Variants in SCFD2 observed in about 807,000 individuals in gnomAD.
SCFD2 encodes sec1 family domain containing 2, also known as sec1 family domain-containing protein 2.
A neutral mutation model predicts 58.9 loss-of-function variants in SCFD2; 54 were observed. The observed-to-expected ratio is 0.92, with a 90% CI of 0.74 to 1.15. SCFD2 has a LOEUF of 1.15. SCFD2 is among the 50% of genes most tolerant of loss of function. The pLI, the probability that SCFD2 is intolerant of heterozygous loss-of-function variation, is 0.00. For synonymous variants in SCFD2, 321 were observed against 335.9 expected (o/e 0.96, Z 0.49); for missense variants, 805 against 836.6 (o/e 0.96, Z 0.47).
At chr4:53,363,549 A>T (rs1168859867) in intron 1 of SCFD2, among the ~76,000 whole-genome samples, 1 of 152,024 alleles carries the variant, frequency 6.6e-6, no homozygotes, top group Admixed American at 6.5e-5. Context: ...CTGTATGTTT[A>T]AAAAAAGGGC....
chr4:53,222,814 CTATCTGGT>C (rs2148996630), intron 4 of SCFD2, among the ~76,000 whole-genome samples: 1 of 152,294 alleles, frequency 6.6e-6, no homozygotes, highest in Non-Finnish European at 1.5e-5. Flanking sequence ...GTATTGTGTC[CTATCTGGT>C]TACTGTTATC....
At chr4:53,021,080 A>C (rs993835021) in intron 5 of SCFD2, among the ~76,000 whole-genome samples, 1 of 152,200 alleles carries the variant, frequency 6.6e-6, no homozygotes, top group Non-Finnish European at 1.5e-5. Context: ...CTAAGCATGT[A>C]CATCTTTTAG....
chr4:53,217,840 G>C (rs1249959862), intron 4 of SCFD2, among the ~76,000 whole-genome samples: 1 of 152,092 alleles, frequency 6.6e-6, no homozygotes, highest in African/African-American at 2.4e-5. Context: ...CAGGCCTGGT[G>C]GTGACAAAAT....
At chr4:52,935,307 A>C (rs1044067080) in intron 5 of SCFD2, among the ~76,000 whole-genome samples, 3 of 152,190 alleles carry the variant, frequency 2.0e-5, no homozygotes, top group Admixed American at 6.5e-5. Context: ...TTTGATTTTT[A>C]AATAAGCATA....
At chr4:53,212,302 C>T (rs1728638858) in intron 4 of SCFD2, among the ~76,000 whole-genome samples, 1 of 151,904 alleles carries the variant, frequency 6.6e-6, no homozygotes, top group East Asian at 1.9e-4. Flanking sequence ...CAAAACAACA[C>T]CAAATGTGGA....
At chr4:53,242,746 A>G (rs570852843) in intron 4 of SCFD2, among the ~76,000 whole-genome samples, 2 of 152,348 alleles carry the variant, frequency 1.3e-5, no homozygotes, top group South Asian at 4.1e-4. Flanking sequence ...AAAATGATAC[A>G]GGAGCTGACA....
chr4:52,979,823 A>G (rs2109564860), intron 5 of SCFD2, among the ~76,000 whole-genome samples: 1 of 152,188 alleles, frequency 6.6e-6, no homozygotes, highest in East Asian at 1.9e-4. Flanking sequence ...TCCCCTCTGC[A>G]CACCTACCCA....
At chr4:52,926,308 CTT>C (rs1369029323) in intron 5 of SCFD2, among the ~76,000 whole-genome samples, 1 of 152,026 alleles carries the variant, frequency 6.6e-6, no homozygotes, top group Non-Finnish European at 1.5e-5. Flanking sequence ...AATAAAACAT[CTT>C]TCATCAGAAG....
At chr4:53,089,927 C>T (rs1344218691) in intron 5 of SCFD2, among the ~76,000 whole-genome samples, 2 of 152,120 alleles carry the variant, frequency 1.3e-5, no homozygotes, top group Admixed American at 6.6e-5. Flanking sequence ...ACATACTCAA[C>T]CATTAAAAGG....
intron 4 of SCFD2, among the ~76,000 whole-genome samples, chr4:53,254,850 ATTTTATTTTATTTATTTTAT>A (rs1730544288): frequency 9.5e-6 from 1 of 105,648 alleles, no homozygotes; most frequent in Non-Finnish European, 2.0e-5. Context: ...ATTTTATTTT[ATTTTATTTTATTTATTTTAT>A]TTTATTTTAT....
chr4:53,355,823 C>G (rs1734383533), intron 1 of SCFD2, among the ~76,000 whole-genome samples: 1 of 152,200 alleles, frequency 6.6e-6, no homozygotes, highest in African/African-American at 2.4e-5. Flanking sequence ...TTGCACTTGC[C>G]ATTCCCTGGA....
intron 2 of SCFD2, among the ~76,000 whole-genome samples, chr4:53,341,890 T>C (rs969516079): frequency 8.5e-5 from 13 of 152,288 alleles, no homozygotes; most frequent in Admixed American, 5.9e-4. Context: ...TAAAATCCTT[T>C]GCACACAAGC....
chr4:53,018,154 C>T (rs1214131218), intron 5 of SCFD2, among the ~76,000 whole-genome samples: 3 of 152,138 alleles, frequency 2.0e-5, no homozygotes, highest in Non-Finnish European at 2.9e-5. Context: ...GTTTCAACCC[C>T]AGGGCTCATG....
intron 4 of SCFD2, among the ~76,000 whole-genome samples, chr4:53,231,923 T>C (rs777862387): frequency 2.0e-5 from 3 of 152,122 alleles, no homozygotes; most frequent in Non-Finnish European, 2.9e-5. Context: ...CACCTTGATG[T>C]ACTCTACATG....
chr4:53,065,227 T>C (rs565614085), intron 5 of SCFD2, among the ~76,000 whole-genome samples: 1 of 152,224 alleles, frequency 6.6e-6, no homozygotes, highest in South Asian at 2.1e-4. Context: ...TTATGGCAGT[T>C]AGCACAATAA....
At chr4:53,050,055 G>C (rs894354892) in intron 5 of SCFD2, among the ~76,000 whole-genome samples, 1 of 152,158 alleles carries the variant, frequency 6.6e-6, no homozygotes, top group African/African-American at 2.4e-5. Flanking sequence ...GTGTACATGA[G>C]TCCGCAAACA....
intron 3 of SCFD2, among the ~76,000 whole-genome samples, chr4:53,306,606 A>G (rs1262630303): frequency 6.6e-6 from 1 of 152,186 alleles, no homozygotes; most frequent in Non-Finnish European, 1.5e-5. Flanking sequence ...CATTCAAACT[A>G]CAAGCACTAA....
rs10002496 is a variant in SCFD2 at position 52,873,031 on chromosome 4, C to T, written c.*938G>A. ...CAACATGGATGCCAGAAACTTCCAT[C>T]GACCATACACCTACAAACATGTGGG... is the stretch of plus-strand genomic sequence containing the variant. On this transcript the variant is annotated 3_prime_UTR_variant, in exon 9 of 9. Transcript: ENST00000401642. 2 of 152,210 alleles carry T rather than the reference C, an allele frequency of 1.3e-5. No homozygotes were observed. The highest frequency in any genetic ancestry group is 6.5e-5 in the Admixed American group (1 of 15,272). 9.4% of individuals were successfully genotyped at this position (152,210 alleles called of 1,614,324 possible).
At chr4:53,280,149 TA>T (rs1731462121) in intron 3 of SCFD2, among the ~76,000 whole-genome samples, 1 of 152,250 alleles carries the variant, frequency 6.6e-6, no homozygotes, top group Admixed American at 6.5e-5. Context: ...AAGATTATTC[TA>T]TCATACCCAG....
Sources: gnomAD v4.1 joint callset for allele counts (sites outside exome capture counted in the v4.1 genomes callset) on GRCh38, gnomAD v4.1.1 for gene constraint, MANE v1.5 for transcripts, NCBI Gene and HGNC (gene_info 2026-07-23, HGNC 2026-07-21) for gene names.